LAMTOR3: variants seen among roughly 807,000 people sequenced by gnomAD.
The protein encoded by LAMTOR3 is late endosomal/lysosomal adaptor, MAPK and MTOR activator 3, also known as ragulator complex protein LAMTOR3.
LAMTOR3 carries 14 observed loss-of-function variants against 20.3 expected under a neutral mutation model. The observed-to-expected ratio is 0.69, with a 90% CI of 0.46 to 1.08. The LOEUF (loss-of-function observed/expected upper bound fraction) is 1.08. Among genes scored for constraint, LAMTOR3 ranks in the 50% least tolerant of loss-of-function variants. The pLI is 0.00. For missense variants in LAMTOR3, 125 were observed against 143.7 expected, an observed-to-expected ratio of 0.87 and a Z score of 0.67; for synonymous variants, 40 against 49.4, an observed-to-expected ratio of 0.81 and a Z score of 0.80.
rs1387188957 is a variant in LAMTOR3 at position 99,880,744 on chromosome 4, A to C, written c.*1250T>G. ...TGATGAGACATGAATGGTGCTTCTTAGAATTGTGCAATGTGATAGCTCGGC... is the reference window on the plus strand; with the variant it reads ...TGATGAGACATGAATGGTGCTTCTTCGAATTGTGCAATGTGATAGCTCGGC... On this transcript the variant is annotated 3_prime_UTR_variant, in exon 7 of 7. Coordinates refer to ENST00000499666, the MANE Select transcript of LAMTOR3 (RefSeq NM_021970.4). The C allele has an allele frequency of 6.6e-6, 1 of 152,294 alleles. No individual in the cohort carries two copies. Among genetic ancestry groups the C allele is most frequent in the African/African-American group, 2.4e-5 (1 of 41,472 alleles). The allele number at this position is 152,294 out of a possible 1,614,324, so 9.4% of individuals were successfully genotyped here. A position where few individuals can be genotyped will look rare whatever the true frequency, so the allele number is the denominator to read the frequency against.
intron 2 of LAMTOR3, among the ~76,000 whole-genome samples, chr4:99,893,627 G>A (rs1448956836): frequency 6.6e-6 from 1 of 152,156 alleles, no homozygotes; most frequent in African/African-American, 2.4e-5. Flanking sequence ...GACAGGAAAA[G>A]CAGCAAACCA....
chr4:99,892,096 T>C, intron 2 of LAMTOR3, 62 bp from the exon 3 acceptor site: 2 of 1,492,932 alleles, frequency 1.3e-6, no homozygotes, highest in Non-Finnish European at 1.8e-6. Context: ...TTCTAGATCC[T>C]GTCCTATCCA....
intron 3 of LAMTOR3, among the ~76,000 whole-genome samples, chr4:99,888,943 G>A (rs1340235703): frequency 6.6e-6 from 1 of 152,054 alleles, no homozygotes; most frequent in East Asian, 1.9e-4. Flanking sequence ...AGTGGCTGAC[G>A]CCTGTAATCC....
In LAMTOR3 at chr4:99,881,697, C is replaced by G. The variant is rs1724830153; in HGVS notation, c.*297G>C. 1 of 296,252 alleles carries G rather than the reference C, an allele frequency of 3.4e-6. No homozygotes were observed. Among genetic ancestry groups the G allele is most frequent in the Non-Finnish European group, 6.2e-6 (1 of 160,708 alleles). 18.4% of individuals were successfully genotyped at this position (296,252 alleles called of 1,614,324 possible). ...AATGTACCAGTTTGATTCTGATCCA[C>G]TGAATAGAATCTCTCATCCATATCT... is the stretch of plus-strand genomic sequence containing the variant. On this transcript the variant is annotated 3_prime_UTR_variant, in exon 7 of 7. Coordinates refer to ENST00000499666, the MANE Select transcript of LAMTOR3 (RefSeq NM_021970.4).
intron 6 of LAMTOR3, 76 bp from the exon 7 acceptor site, chr4:99,882,143 C>CCAAAAT: frequency 1.2e-6 from 1 of 827,140 alleles, no homozygotes; most frequent in Non-Finnish European, 1.9e-6. Flanking sequence ...TTCCTTATGT[C>CCAAAAT]CAAAATACAT....
At position 99,881,114 on chromosome 4, in the gene LAMTOR3, T is replaced by A. The variant is rs1239451752; in HGVS notation, c.*880A>T. On this transcript the variant is annotated 3_prime_UTR_variant, in exon 7 of 7. Transcript: ENST00000499666. ...ACCAATACCTACAAGAAACACTCAT[T>A]ATTTATTCATGTGGCTGAAAGAGTA... 2.6e-5 allele frequency: 4 copies of A among 152,228 alleles called. No homozygotes were observed. Among genetic ancestry groups the A allele is most frequent in the African/African-American group, 9.6e-5 (4 of 41,460 alleles). The allele number at this position is 152,228 out of a possible 1,614,324, so 9.4% of individuals were successfully genotyped here.
chr4:99,894,544 TC>T (rs1185964944), upstream of LAMTOR3: 1 of 91,750 alleles, frequency 1.1e-5, no homozygotes, highest in Non-Finnish European at 2.3e-5. Context: ...GCCCCTCCCC[TC>T]CCCCCCGCCC....
chr4:99,883,945 C>T, intron 6 of LAMTOR3, 117 bp downstream of exon 6: 1 of 688,570 alleles, frequency 1.5e-6, no homozygotes, highest in East Asian at 2.8e-5. Context: ...TGAAACTGGG[C>T]CACAAGTTCA....
At chr4:99,888,870 T>C (rs963326915) in intron 3 of LAMTOR3, among the ~76,000 whole-genome samples, 1 of 152,226 alleles carries the variant, frequency 6.6e-6, no homozygotes, top group Non-Finnish European at 1.5e-5. Context: ...AATCATTCAA[T>C]CCTAAACTTA....
upstream of LAMTOR3, chr4:99,894,498 C>G (rs1194943335): frequency 1.3e-5 from 2 of 151,930 alleles, no homozygotes; most frequent in African/African-American, 4.8e-5. Flanking sequence ...TCCGGAGGGG[C>G]CCGGCGGAAG....
chr4:99,887,068 C>A (rs1205396523), intron 4 of LAMTOR3, among the ~76,000 whole-genome samples: 3 of 152,126 alleles, frequency 2.0e-5, no homozygotes, highest in African/African-American at 7.2e-5. Context: ...TGTGATAAAT[C>A]CATGCTTAAA....
Position 99,891,989 on chromosome 4 carries a change from A to G in LAMTOR3, c.44+11T>C. On this transcript the variant is annotated intron_variant, in intron 3 of 6. Transcript: ENST00000499666. Reference sequence around the variant, plus strand: ...TAGAATTTATTCAATAACAAATTAAAAATTTCTTACCTTGGTAACTTTTTA... The same window carrying G: ...TAGAATTTATTCAATAACAAATTAAGAATTTCTTACCTTGGTAACTTTTTA... 6.4e-7 allele frequency: 1 copy of G among 1,566,404 alleles called. No homozygotes were observed. Among genetic ancestry groups the G allele is most frequent in the Non-Finnish European group, 8.6e-7 (1 of 1,163,598 alleles).
intron 3 of LAMTOR3, among the ~76,000 whole-genome samples, chr4:99,891,398 G>A (rs1312652268): frequency 2.0e-5 from 3 of 152,228 alleles, no homozygotes; most frequent in African/African-American, 4.8e-5. Flanking sequence ...CAATAACTAC[G>A]TAAAGTATAA....
intron 3 of LAMTOR3, 122 bp downstream of exon 3, chr4:99,891,878 A>C: frequency 7.0e-7 from 1 of 1,426,802 alleles, no homozygotes; most frequent in Non-Finnish European, 9.2e-7. Flanking sequence ...GCTGGCAAAA[A>C]ATATTCATAT....
Position 99,881,021 on chromosome 4 carries a change from C to T in LAMTOR3, c.*973G>A, listed in dbSNP as rs1203254969. On this transcript the variant is annotated 3_prime_UTR_variant, in exon 7 of 7. Transcript: ENST00000499666. Reference sequence around the variant, plus strand: ...CCAGGCTGGGGTGCAGTGGCACAATCTTGGCTGACTGCAATCTCAGGTTTC... The same window carrying T: ...CCAGGCTGGGGTGCAGTGGCACAATTTTGGCTGACTGCAATCTCAGGTTTC... 6.6e-6 allele frequency: 1 copy of T among 152,184 alleles called. No homozygotes were observed. The highest frequency in any genetic ancestry group is 1.5e-5 in the Non-Finnish European group (1 of 68,064). 9.4% of individuals were successfully genotyped at this position (152,184 alleles called of 1,614,324 possible). A position where few individuals can be genotyped will look rare whatever the true frequency, so the allele number is the denominator to read the frequency against.
At chr4:99,885,504 A>G in intron 5 of LAMTOR3, 38 bp downstream of exon 5, 1 of 1,537,172 alleles carries the variant, frequency 6.5e-7, no homozygotes, top group South Asian at 1.2e-5. Flanking sequence ...AAAAATGACA[A>G]CTGAAATCAG....
At chr4:99,887,036 T>A (rs1724941767) in intron 4 of LAMTOR3, among the ~76,000 whole-genome samples, 1 of 152,186 alleles carries the variant, frequency 6.6e-6, no homozygotes, top group Non-Finnish European at 1.5e-5. Context: ...ACACTGTAAA[T>A]GTCTTTAATG....
rs370738483 is a variant in LAMTOR3 at position 99,892,927 on chromosome 4, G to A, written c.10-893C>T. Among the ~76,000 whole-genome samples the A allele has an allele frequency of 1.9e-3, 295 of 152,194 alleles. 1 individual carries two copies. Among genetic ancestry groups the A allele is most frequent in the African/African-American group, 6.7e-3 (277 of 41,528 alleles). On this transcript the variant is annotated intron_variant, in intron 2 of 6. Coordinates refer to ENST00000499666, the MANE Select transcript of LAMTOR3 (RefSeq NM_021970.4). ...ACTCCTGACCTCAGGTGATCCACCC[G>A]CCTTGGCCTCCCAAAGTGCTGGGAT...
At chr4:99,885,395 A>T in intron 5 of LAMTOR3, 147 bp downstream of exon 5, 1 of 582,006 alleles carries the variant, frequency 1.7e-6, no homozygotes, top group Non-Finnish European at 2.9e-6. Flanking sequence ...ACTACATTTT[A>T]ATACAACCAA....
Sources: allele counts gnomAD v4.1 joint callset (sites outside exome capture counted in the v4.1 genomes callset), GRCh38; gene constraint gnomAD v4.1.1; transcripts MANE v1.5; gene names NCBI Gene and HGNC (gene_info 2026-07-23, HGNC 2026-07-21).